DIP2C: variants seen among roughly 807,000 people sequenced by gnomAD.
DIP2C encodes the protein disco-interacting protein 2 homolog C.
DIP2C carries 33 observed loss-of-function variants against 192.4 expected under a neutral mutation model. That is an observed-to-expected ratio of 0.17 (90% CI 0.13 to 0.23). DIP2C has a LOEUF of 0.23. Among genes scored for constraint, DIP2C ranks in the 10% least tolerant of loss-of-function variants. The probability of loss-of-function intolerance (pLI) is 1.00; values close to 1 mark genes in which losing one functional copy is unlikely to be tolerated. For missense variants in DIP2C, 1,537 were observed against 2,110.1 expected, an observed-to-expected ratio of 0.73 and a Z score of 5.32; for synonymous variants, 979 against 864.1, an observed-to-expected ratio of 1.13 and a Z score of -2.33.
chr10:612,348 C>T (rs998669147), intron 1 of DIP2C, among the ~76,000 whole-genome samples: 5 of 151,772 alleles, frequency 3.3e-5, no homozygotes, highest in Non-Finnish European at 7.4e-5. Context: ...TCAAATATAT[C>T]AGCTAAAAGA....
chr10:642,816 A>C (rs770890209), intron 1 of DIP2C, among the ~76,000 whole-genome samples: 4 of 152,260 alleles, frequency 2.6e-5, no homozygotes, highest in Non-Finnish European at 4.4e-5. Flanking sequence ...TAATTTAAGA[A>C]AGGAATGTAA....
intron 1 of DIP2C, among the ~76,000 whole-genome samples, chr10:548,354 G>C (rs1363269360): frequency 6.6e-6 from 1 of 151,172 alleles, no homozygotes; most frequent in Non-Finnish European, 1.5e-5. Context: ...ATCCAGCCCC[G>C]AGACCCACTC....
chr10:382,458 A>G (rs1456678603), intron 17 of DIP2C, 189 bp downstream of exon 17: 2 of 523,580 alleles, frequency 3.8e-6, no homozygotes, highest in African/African-American at 3.8e-5. Context: ...ATGTTTTTTA[A>G]TGAATGAATC....
intron 1 of DIP2C, among the ~76,000 whole-genome samples, chr10:542,628 CCT>C (rs1491257997): frequency 6.6e-6 from 1 of 152,222 alleles, no homozygotes; most frequent in Non-Finnish European, 1.5e-5. Context: ...TAACCCTGCC[CCT>C]CTCTATACCA....
At chr10:502,704 A>C (rs1845322842) in intron 1 of DIP2C, among the ~76,000 whole-genome samples, 1 of 152,194 alleles carries the variant, frequency 6.6e-6, no homozygotes. Context: ...TTGGGACCTA[A>C]ATGTTAAAAA....
chr10:519,873 A>G (rs1846588629), intron 1 of DIP2C, among the ~76,000 whole-genome samples: 1 of 151,642 alleles, frequency 6.6e-6, no homozygotes, highest in African/African-American at 2.4e-5. Flanking sequence ...GGGAGGGGCC[A>G]GTATGGCCAC....
At chr10:464,965 G>A (rs1405264265) in intron 3 of DIP2C, among the ~76,000 whole-genome samples, 6 of 150,756 alleles carry the variant, frequency 4.0e-5, no homozygotes, top group Non-Finnish European at 8.8e-5. Context: ...GGTACAAGGA[G>A]GAACTGGTAC....
At chr10:501,077 G>A (rs923268180) in intron 1 of DIP2C, among the ~76,000 whole-genome samples, 8 of 152,218 alleles carry the variant, frequency 5.3e-5, no homozygotes, top group Non-Finnish European at 2.9e-5. Context: ...TCTGAGGCCA[G>A]TGAGCTGCGG....
chr10:586,344 G>A (rs79535319), intron 1 of DIP2C, among the ~76,000 whole-genome samples: 5,534 of 152,258 alleles, frequency 0.036, 334 homozygotes, highest in African/African-American at 0.12. Context: ...ATGAAACCAG[G>A]ATTACAGCCA....
intron 4 of DIP2C, among the ~76,000 whole-genome samples, chr10:423,574 A>T (rs1966361161): frequency 6.6e-6 from 1 of 152,096 alleles, no homozygotes; most frequent in Non-Finnish European, 1.5e-5. Context: ...TCAGTGTGTT[A>T]GATAACCATG....
At chr10:398,202 G>A (rs1210456078) in intron 10 of DIP2C, among the ~76,000 whole-genome samples, 1 of 152,026 alleles carries the variant, frequency 6.6e-6, no homozygotes. Context: ...TAAGAGTCTG[G>A]CACATTTTTA....
At chr10:489,204 C>G (rs76892215) in intron 1 of DIP2C, among the ~76,000 whole-genome samples, 2,356 of 152,310 alleles carry the variant, frequency 0.015, 65 homozygotes, top group African/African-American at 0.054. Flanking sequence ...TTATTTTTAA[C>G]TCTGGACTGC....
chr10:659,105 T>C (rs1856594001), intron 1 of DIP2C, among the ~76,000 whole-genome samples: 1 of 152,148 alleles, frequency 6.6e-6, no homozygotes, highest in Non-Finnish European at 1.5e-5. Flanking sequence ...TATACATACA[T>C]GTTCATGCAT....
At chr10:569,414 A>G (rs759556934) in intron 1 of DIP2C, among the ~76,000 whole-genome samples, 14 of 151,766 alleles carry the variant, frequency 9.2e-5, no homozygotes, top group South Asian at 2.1e-4. Flanking sequence ...TAAGTATTAT[A>G]GTAATACAAT....
chr10:347,729 G>A (rs61836776), intron 26 of DIP2C, among the ~76,000 whole-genome samples: 44,006 of 49,010 alleles, frequency 0.9, 19,581 homozygotes, highest in South Asian at 0.92. Flanking sequence ...CAGACACATC[G>A]CGCATAGTTC....
At chr10:484,952 T>C (rs1441028758) in intron 2 of DIP2C, 1 of 1,603,728 alleles carries the variant, frequency 6.2e-7, no homozygotes, top group Non-Finnish European at 8.5e-7. Flanking sequence ...TTCGCTGCTG[T>C]AACAAGTTGA....
At chr10:635,324 C>T (rs962030614) in intron 1 of DIP2C, among the ~76,000 whole-genome samples, 1 of 152,232 alleles carries the variant, frequency 6.6e-6, no homozygotes. Context: ...CCACATCGGC[C>T]GGCACCTGGG....
intron 17 of DIP2C, among the ~76,000 whole-genome samples, chr10:372,074 CTTTTT>C (rs71376826): frequency 0.16 from 21,972 of 137,476 alleles, 1,653 homozygotes; most frequent in African/African-American, 0.21. Flanking sequence ...ACCCCCTTTC[CTTTTT>C]TTTTTTTTTT....
At chr10:385,560 A>G (rs915286438) in intron 14 of DIP2C, among the ~76,000 whole-genome samples, 5 of 152,208 alleles carry the variant, frequency 3.3e-5, no homozygotes, top group African/African-American at 1.2e-4. Context: ...TCGCAGGGCT[A>G]GGGGAAGCTC....
Sources: allele counts gnomAD v4.1 joint callset (sites outside exome capture counted in the v4.1 genomes callset), GRCh38; gene constraint gnomAD v4.1.1; transcripts MANE v1.5; gene names NCBI Gene and HGNC (gene_info 2026-07-23, HGNC 2026-07-21).